ZMAT4: variants seen among roughly 807,000 people sequenced by gnomAD.
ZMAT4 encodes the protein zinc finger matrin-type protein 4.
Under a neutral mutation model 28.7 loss-of-function variants are expected in ZMAT4, and 17 were observed. The observed-to-expected ratio is 0.59, with a 90% CI of 0.41 to 0.89. The LOEUF (loss-of-function observed/expected upper bound fraction) is 0.89. ZMAT4 is among the 40% of genes least tolerant of loss of function. The pLI is 0.00. For synonymous variants in ZMAT4, 117 were observed against 109.2 expected (o/e 1.07, Z -0.44); for missense variants, 240 against 283.8 (o/e 0.85, Z 1.11).
intron 6 of ZMAT4, among the ~76,000 whole-genome samples, chr8:40,557,110 G>T (rs978011318): frequency 3.9e-5 from 6 of 152,000 alleles, no homozygotes; most frequent in Non-Finnish European, 8.8e-5. Context: ...GTGCCTGTCT[G>T]ATCTCACTTA....
intron 3 of ZMAT4, among the ~76,000 whole-genome samples, chr8:40,741,756 T>C (rs1049222826): frequency 3.9e-5 from 6 of 152,140 alleles, no homozygotes; most frequent in Non-Finnish European, 5.9e-5. Context: ...TGTCGGACTG[T>C]CTCTAGGTAA....
At chr8:40,897,221 CCA>C (rs766583706) in intron 1 of ZMAT4, among the ~76,000 whole-genome samples, 7 of 152,060 alleles carry the variant, frequency 4.6e-5, no homozygotes, top group Non-Finnish European at 8.8e-5. Flanking sequence ...AGGAAGGACT[CCA>C]GTTGAAGGTC....
At chr8:40,650,220 G>A (rs569139707) in intron 5 of ZMAT4, among the ~76,000 whole-genome samples, 2,215 of 152,000 alleles carry the variant, frequency 0.015, 56 homozygotes, top group African/African-American at 0.051. Context: ...TCAAATAGAC[G>A]CAATAAAAAA....
chr8:40,666,466 A>G (rs1419854057), intron 5 of ZMAT4, among the ~76,000 whole-genome samples: 1 of 152,068 alleles, frequency 6.6e-6, no homozygotes, highest in Non-Finnish European at 1.5e-5. Flanking sequence ...TAAAAATTTG[A>G]TTTGCTACTT....
chr8:40,736,103 C>T (rs749376537), intron 3 of ZMAT4, among the ~76,000 whole-genome samples: 1 of 152,144 alleles, frequency 6.6e-6, no homozygotes, highest in Non-Finnish European at 1.5e-5. Context: ...CTATTCAGAC[C>T]TACAGCCCAT....
chr8:40,628,110 C>T (rs547552764), intron 5 of ZMAT4, among the ~76,000 whole-genome samples: 1 of 152,240 alleles, frequency 6.6e-6, no homozygotes, highest in South Asian at 2.1e-4. Flanking sequence ...AGATTTTCTC[C>T]ATTGGAGTCT....
chr8:40,619,512 C>G lies in ZMAT4; in HGVS notation c.578-38251G>C, dbSNP rs925236302. ...GACACTAATGGGGAAACCGTTGAGTCCGGATGGGAAATGCAGGAAAGGGCT... is the reference window on the plus strand; with the variant it reads ...GACACTAATGGGGAAACCGTTGAGTGCGGATGGGAAATGCAGGAAAGGGCT... On this transcript the variant is annotated intron_variant, in intron 5 of 6. Transcript: ENST00000297737. Among the ~76,000 whole-genome samples the G allele has an allele frequency of 8.6e-5, 13 of 152,046 alleles. 1 individual carries two copies. The highest frequency in any genetic ancestry group is 3.1e-4 in the African/African-American group (13 of 41,402).
intron 3 of ZMAT4, among the ~76,000 whole-genome samples, chr8:40,765,190 T>C (rs1813099279): frequency 6.6e-6 from 1 of 152,104 alleles, no homozygotes; most frequent in South Asian, 2.1e-4. Context: ...TGCCCAAAAA[T>C]AAGACACCAT....
At chr8:40,703,873 C>G (rs115631566) in intron 3 of ZMAT4, among the ~76,000 whole-genome samples, 77 of 152,278 alleles carry the variant, frequency 5.1e-4, no homozygotes, top group African/African-American at 1.8e-3. Context: ...GCATCCTCTT[C>G]TTGTAGGTGA....
chr8:40,642,337 A>T (rs1385023968), intron 5 of ZMAT4, among the ~76,000 whole-genome samples: 1 of 152,224 alleles, frequency 6.6e-6, no homozygotes, highest in Non-Finnish European at 1.5e-5. Flanking sequence ...AACAAAAGTT[A>T]TGCTAGGTTA....
intron 6 of ZMAT4, among the ~76,000 whole-genome samples, chr8:40,567,626 C>T (rs1226036243): frequency 6.6e-6 from 1 of 151,266 alleles, no homozygotes; most frequent in Non-Finnish European, 1.5e-5. Context: ...TTGAACCCCC[C>T]TGGGAGGCGG....
intron 1 of ZMAT4, among the ~76,000 whole-genome samples, chr8:40,881,433 G>GAGAAAGAAAGAAAGAAAGAAGAA (rs1818221623): frequency 2.8e-5 from 2 of 70,228 alleles, no homozygotes; most frequent in African/African-American, 1.2e-4. Flanking sequence ...AGAAGAAAGA[G>GAGAAAGAAAGAAAGAAAGAAGAA]AGAAAGAAAG....
chr8:40,877,014 A>T (rs1395291292), intron 1 of ZMAT4, among the ~76,000 whole-genome samples: 1 of 152,244 alleles, frequency 6.6e-6, no homozygotes, highest in Non-Finnish European at 1.5e-5. Context: ...TTTATTTAGA[A>T]AGAAGGTCTT....
At chr8:40,546,286 G>A (rs1386705812) in intron 6 of ZMAT4, among the ~76,000 whole-genome samples, 1 of 149,750 alleles carries the variant, frequency 6.7e-6, no homozygotes, top group African/African-American at 2.5e-5. Flanking sequence ...AAACCACAGG[G>A]TGAATCACTT....
intron 3 of ZMAT4, among the ~76,000 whole-genome samples, chr8:40,758,595 T>C (rs961767340): frequency 4.0e-4 from 61 of 152,298 alleles, no homozygotes; most frequent in African/African-American, 1.3e-3. Flanking sequence ...CTGTGGTCTT[T>C]TCCATTTGTG....
intron 5 of ZMAT4, among the ~76,000 whole-genome samples, chr8:40,659,137 G>A (rs551040932): frequency 6.6e-6 from 1 of 152,266 alleles, no homozygotes; most frequent in Admixed American, 6.5e-5. Context: ...GGGTACATGA[G>A]TGTGTGCATG....
At chr8:40,812,211 A>T (rs777345673) in intron 2 of ZMAT4, among the ~76,000 whole-genome samples, 1 of 152,184 alleles carries the variant, frequency 6.6e-6, no homozygotes. Context: ...CAATGGAAAG[A>T]GAAGGACTGG....
chr8:40,628,480 G>T (rs757472225), intron 5 of ZMAT4, among the ~76,000 whole-genome samples: 6 of 152,100 alleles, frequency 3.9e-5, no homozygotes, highest in Non-Finnish European at 7.3e-5. Context: ...ATTATCCAAG[G>T]TCATACTGCT....
intron 5 of ZMAT4, among the ~76,000 whole-genome samples, chr8:40,617,525 C>T (rs1010410108): frequency 2.0e-5 from 3 of 152,200 alleles, no homozygotes; most frequent in Non-Finnish European, 4.4e-5. Flanking sequence ...TGCTGAAACG[C>T]TATGCAAGCA....
Sources: allele counts gnomAD v4.1 joint callset (sites outside exome capture counted in the v4.1 genomes callset), GRCh38; gene constraint gnomAD v4.1.1; transcripts MANE v1.5; gene names NCBI Gene and HGNC (gene_info 2026-07-23, HGNC 2026-07-21).